GPR35: variants seen among roughly 807,000 people sequenced by gnomAD.
The protein encoded by GPR35 is KYNA receptor.
For missense variants in GPR35, 372 were observed against 422.5 expected (o/e 0.88, Z 1.05); for synonymous variants, 207 against 198.4 (o/e 1.04, Z -0.36).
chr2:240,606,801 G>A (rs2043139079), intron 2 of GPR35, among the ~76,000 whole-genome samples: 1 of 152,216 alleles, frequency 6.6e-6, no homozygotes, highest in East Asian at 1.9e-4. Context: ...GCTGAGGCTG[G>A]AGATGTAAGC....
chr2:240,614,238 C>A (rs745954506), intron 2 of GPR35, among the ~76,000 whole-genome samples: 1 of 152,140 alleles, frequency 6.6e-6, no homozygotes, highest in Non-Finnish European at 1.5e-5. Context: ...AACCCTAACC[C>A]TAAGCCTTGT....
intron 1 of GPR35, among the ~76,000 whole-genome samples, chr2:240,627,266 T>C (rs778316511): frequency 4.6e-5 from 7 of 152,180 alleles, no homozygotes; most frequent in Non-Finnish European, 1.0e-4. Context: ...AGGGGCCCCA[T>C]GCCATCTGGG....
rs2043441599 is a variant in GPR35 at position 240,631,007 on chromosome 2, G to C, written c.*125G>C. ...CCTGAACTCACTGTGTATTCTCTTGGAGCCTTGGGTGGGCAGGGACGGCCC... is the reference window on the plus strand; with the variant it reads ...CCTGAACTCACTGTGTATTCTCTTGCAGCCTTGGGTGGGCAGGGACGGCCC... On this transcript the variant is annotated 3_prime_UTR_variant, in exon 2 of 2. Coordinates refer to ENST00000407714, the MANE Select transcript of GPR35 (RefSeq NM_005301.5). 3 of 809,456 alleles carry C rather than the reference G, an allele frequency of 3.7e-6. No individual in the cohort carries two copies. Among genetic ancestry groups the C allele is most frequent in the Non-Finnish European group, 6.0e-6 (3 of 502,234 alleles). The allele number at this position is 809,456 out of a possible 1,614,324, so 50.1% of individuals were successfully genotyped here. A position where few individuals can be genotyped will look rare whatever the true frequency, so the allele number is the denominator to read the frequency against.
At chr2:240,610,986 G>T (rs1305638112) in intron 2 of GPR35, among the ~76,000 whole-genome samples, 1 of 151,846 alleles carries the variant, frequency 6.6e-6, no homozygotes, top group Non-Finnish European at 1.5e-5. Context: ...AGGCTAGTGT[G>T]CAGTGGCATG....
chr2:240,631,930 G>A lies in GPR35; in HGVS notation c.*1048G>A, dbSNP rs1372132378. ...AGAGATGGCAGTCATGTTCTGGCAG[G>A]GACATGGCACAAGCATGCGGCTGAT... On this transcript the variant is annotated 3_prime_UTR_variant, in exon 2 of 2. Coordinates refer to ENST00000407714, the MANE Select transcript of GPR35 (RefSeq NM_005301.5). Among the ~76,000 whole-genome samples, 1 of 151,884 alleles carries A rather than the reference G, an allele frequency of 6.6e-6. No individual in the cohort carries two copies. Among genetic ancestry groups the A allele is most frequent in the Non-Finnish European group, 1.5e-5 (1 of 67,938 alleles).
rs114292262 is a variant in GPR35 at position 240,629,792 on chromosome 2, C to T, written c.-4-157C>T. 2.8e-3 allele frequency: 1,770 copies of T among 626,860 alleles called. 28 individuals carry two copies. The African/African-American group carries it at 0.029, about 10-fold the overall frequency. The allele number at this position is 626,860 out of a possible 1,614,324, so 38.8% of individuals were successfully genotyped here. Reference sequence around the variant, plus strand: ...CTCAAGGGTGACTTGGAGTTCTTTACGGCACCCATGCTTTCTTTGAGGAGT... The same window carrying T: ...CTCAAGGGTGACTTGGAGTTCTTTATGGCACCCATGCTTTCTTTGAGGAGT... On this transcript the variant is annotated intron_variant, in intron 1 of 1. Transcript: ENST00000407714.
chr2:240,616,043 T>C (rs926890735), intron 2 of GPR35, among the ~76,000 whole-genome samples: 2 of 152,176 alleles, frequency 1.3e-5, no homozygotes, highest in African/African-American at 4.8e-5. Context: ...AGACGGCACT[T>C]TCCACCCTTA....
Position 240,625,565 on chromosome 2 carries a change from G to A in GPR35, c.-8G>A, listed in dbSNP as rs1165879266. 7 of 985,920 alleles carry A rather than the reference G, an allele frequency of 7.1e-6. No individual in the cohort carries two copies. Among genetic ancestry groups the A allele is most frequent in the Non-Finnish European group, 8.4e-6 (7 of 830,176 alleles). 61.1% of individuals were successfully genotyped at this position (985,920 alleles called of 1,614,324 possible). On this transcript the variant is annotated 5_prime_UTR_variant, in exon 1 of 2. Transcript: ENST00000407714. ...TCCACCCGGGAGGCCAAAGCTGCCTGCAGGTCAGTGCCGCCCACTGCCCTA... is the reference window on the plus strand; with the variant it reads ...TCCACCCGGGAGGCCAAAGCTGCCTACAGGTCAGTGCCGCCCACTGCCCTA...
upstream of GPR35, among the ~76,000 whole-genome samples, chr2:240,623,652 G>A (rs2043334637): frequency 6.6e-6 from 1 of 152,138 alleles, no homozygotes; most frequent in South Asian, 2.1e-4. Context: ...CAGGCTGGGT[G>A]GGACTGCCCT....
At chr2:240,613,851 C>T (rs762450043) in intron 2 of GPR35, among the ~76,000 whole-genome samples, 6 of 151,394 alleles carry the variant, frequency 4.0e-5, no homozygotes, top group Non-Finnish European at 7.4e-5. Flanking sequence ...ATAACCCTAA[C>T]CAAAACTCTA....
chr2:240,621,031 G>A (rs1448075064), upstream of GPR35, among the ~76,000 whole-genome samples: 4 of 152,116 alleles, frequency 2.6e-5, no homozygotes, highest in East Asian at 7.7e-4. Context: ...GTGAAGAGGG[G>A]AACAGAAAGT....
Position 240,625,481 on chromosome 2 carries a change from CT to C in GPR35, c.-90del. On this transcript the variant is annotated 5_prime_UTR_variant, in exon 1 of 2. Coordinates refer to ENST00000407714, the MANE Select transcript of GPR35 (RefSeq NM_005301.5). ...TGAGGGGTGGCTCACCCCAGCTTCA[CT>C]TCCCCCAGCCCTTCTCAGACAGCCA... 1 of 985,810 alleles carries C rather than the reference CT, an allele frequency of 1.0e-6. No individual in the cohort carries two copies. The highest frequency in any genetic ancestry group is 1.2e-6 in the Non-Finnish European group (1 of 830,208). The allele number at this position is 985,810 out of a possible 1,614,324, so 61.1% of individuals were successfully genotyped here.
In GPR35 at chr2:240,630,126, C is replaced by G; in HGVS notation, c.174C>G (p.Tyr58Ter). The change falls in exon 2 of 2, where the codon TAC becomes TAG. Residue 58 changes from tyrosine (Y) to a stop codon, truncating the protein, a stop_gained. Transcript: ENST00000407714. LOFTEE classifies it low-confidence loss of function (END_TRUNC). ...AGCAGTGGACGGAGACCCGCATCTA[C>G]ATGACCAACCTGGCGGTGGCCGACC... ...RMQQWTETRI[Y>*]MTNLAVADLC... 1 of 1,605,428 alleles carries G rather than the reference C, an allele frequency of 6.2e-7. No individual in the cohort carries two copies. Among genetic ancestry groups the G allele is most frequent in the Middle Eastern group, 1.7e-4 (1 of 6,052 alleles).
At chr2:240,616,823 C>A (rs2043243990) in intron 3 of GPR35, among the ~76,000 whole-genome samples, 1 of 150,692 alleles carries the variant, frequency 6.6e-6, no homozygotes, top group Non-Finnish European at 1.5e-5. Context: ...GTCTTGGATG[C>A]ATACTCTCTC....
At chr2:240,624,269 C>T (rs1157363673), upstream of GPR35, among the ~76,000 whole-genome samples, 1 of 152,048 alleles carries the variant, frequency 6.6e-6, no homozygotes, top group East Asian at 1.9e-4. Context: ...AGGATGAGGC[C>T]CCTCTCCAAT....
chr2:240,625,410 C>T (rs971301962), upstream of GPR35: 36 of 985,300 alleles, frequency 3.7e-5, no homozygotes, highest in Non-Finnish European at 4.0e-5. Flanking sequence ...GTCAGTCAGC[C>T]GCCCGCCCCC....
intron 2 of GPR35, among the ~76,000 whole-genome samples, chr2:240,615,525 A>G (rs960768245): frequency 6.6e-6 from 1 of 152,240 alleles, no homozygotes; most frequent in African/African-American, 2.4e-5. Context: ...GCAGAAGTGT[A>G]ATAACCCCTT....
exon 2 of GPR35, chr2:240,606,467 G>T (rs146262568): frequency 6.6e-6 from 1 of 152,346 alleles, no homozygotes; most frequent in African/African-American, 2.4e-5. Flanking sequence ...CCATCTTGCT[G>T]CCCACTGTCC....
At chr2:240,613,472 C>G (rs575126884) in intron 2 of GPR35, among the ~76,000 whole-genome samples, 1 of 152,198 alleles carries the variant, frequency 6.6e-6, no homozygotes, top group Admixed American at 6.5e-5. Context: ...TAATGCTAAT[C>G]ATAAACCTAA....
Sources: allele counts gnomAD v4.1 joint callset (sites outside exome capture counted in the v4.1 genomes callset), GRCh38; gene constraint gnomAD v4.1.1; transcripts MANE v1.5; gene names NCBI Gene and HGNC (gene_info 2026-07-23, HGNC 2026-07-21).